The following PCDH9 variants were observed in gnomAD, a reference collection of about 807,000 sequenced individuals.
The protein encoded by PCDH9 is protocadherin 9.
In PCDH9, 24 loss-of-function variants were observed where a neutral mutation model predicts 70.6. The ratio of observed to expected loss-of-function variants is 0.34; its 90% CI spans 0.25 to 0.48. The LOEUF (loss-of-function observed/expected upper bound fraction) is 0.48. Among genes scored for constraint, PCDH9 ranks in the 20% least tolerant of loss-of-function variants. The probability of loss-of-function intolerance (pLI) is 0.99; values close to 1 mark genes in which losing one functional copy is unlikely to be tolerated. For missense variants in PCDH9, 1,281 were observed against 1,503.6 expected (o/e 0.85, Z 2.45); for synonymous variants, 562 against 558.5 (o/e 1.01, Z -0.09).
At chr13:66,614,719 C>A (rs2138880882) in intron 4 of PCDH9, among the ~76,000 whole-genome samples, 2 of 152,268 alleles carry the variant, frequency 1.3e-5, no homozygotes, top group South Asian at 4.1e-4. Flanking sequence ...AAAGAAATAG[C>A]ATTTGAACAT....
At chr13:67,031,319 T>C (rs2084901616) in intron 2 of PCDH9, among the ~76,000 whole-genome samples, 1 of 152,198 alleles carries the variant, frequency 6.6e-6, no homozygotes, top group African/African-American at 2.4e-5. Context: ...CCATAATAAT[T>C]TCTCTCAGAA....
intron 3 of PCDH9, among the ~76,000 whole-genome samples, chr13:66,700,290 A>G (rs1274932420): frequency 6.6e-6 from 1 of 152,194 alleles, no homozygotes; most frequent in Non-Finnish European, 1.5e-5. Flanking sequence ...CTCTCGGCAG[A>G]TTGTTAACAT....
At chr13:66,884,204 A>G (rs532493379) in intron 3 of PCDH9, among the ~76,000 whole-genome samples, 1 of 152,062 alleles carries the variant, frequency 6.6e-6, no homozygotes, top group East Asian at 1.9e-4. Context: ...GGCCACTTTA[A>G]GCGTTCTTGC....
intron 4 of PCDH9, among the ~76,000 whole-genome samples, chr13:66,367,841 T>C (rs1020798677): frequency 6.6e-6 from 1 of 152,096 alleles, no homozygotes; most frequent in African/African-American, 2.4e-5. Flanking sequence ...CTTTAAAAAA[T>C]AATTCTAGGA....
At chr13:66,456,786 T>C (rs1958325657) in intron 4 of PCDH9, among the ~76,000 whole-genome samples, 1 of 152,064 alleles carries the variant, frequency 6.6e-6, no homozygotes, top group Non-Finnish European at 1.5e-5. Context: ...TACTAGAAGA[T>C]TTGGAAAGAA....
At chr13:66,403,264 C>T (rs984640881) in intron 4 of PCDH9, among the ~76,000 whole-genome samples, 2 of 151,796 alleles carry the variant, frequency 1.3e-5, no homozygotes, top group Admixed American at 6.6e-5. Context: ...CTTAGCCTCC[C>T]GAGTAGCTGG....
chr13:66,523,327 T>A (rs1960078945), intron 4 of PCDH9, among the ~76,000 whole-genome samples: 1 of 152,040 alleles, frequency 6.6e-6, no homozygotes, highest in South Asian at 2.1e-4. Flanking sequence ...ATAGGCACTA[T>A]TATGACCATT....
intron 4 of PCDH9, among the ~76,000 whole-genome samples, chr13:66,571,958 T>C (rs1300456340): frequency 6.6e-6 from 1 of 152,018 alleles, no homozygotes; most frequent in Non-Finnish European, 1.5e-5. Flanking sequence ...AGGAATAATA[T>C]TAACTTTTAA....
intron 3 of PCDH9, among the ~76,000 whole-genome samples, chr13:66,895,124 T>C (rs2082155829): frequency 6.6e-6 from 1 of 152,178 alleles, no homozygotes; most frequent in Admixed American, 6.5e-5. Flanking sequence ...AGGTATCTTA[T>C]ATTAAAAGAT....
intron 2 of PCDH9, among the ~76,000 whole-genome samples, chr13:67,182,690 G>T (rs1298838150): frequency 6.6e-6 from 1 of 152,040 alleles, no homozygotes; most frequent in Non-Finnish European, 1.5e-5. Flanking sequence ...ACAGTAAATT[G>T]TTACCACCCA....
In PCDH9 at chr13:66,620,572, T is replaced by A. The variant is rs149343324; in HGVS notation, c.3340+10638A>T. Among the ~76,000 whole-genome samples, 1,050 of 151,966 alleles carry A rather than the reference T, an allele frequency of 6.9e-3. 5 individuals are homozygous for A. The highest frequency in any genetic ancestry group is 0.031 in the Middle Eastern group (9 of 294). On this transcript the variant is annotated intron_variant, in intron 4 of 4. Coordinates refer to ENST00000377865, the MANE Select transcript of PCDH9 (RefSeq NM_203487.3). ...TATCACTTTATCTATAGAATCTTTA[T>A]TGATTCTTTATCCAAGGCTTATTCT...
chr13:66,772,302 C>A (rs2079820869), intron 3 of PCDH9, among the ~76,000 whole-genome samples: 1 of 152,214 alleles, frequency 6.6e-6, no homozygotes, highest in Admixed American at 6.5e-5. Context: ...AAACTCCCAT[C>A]TTTTGTGGCA....
At chr13:66,998,401 G>A (rs372024629) in intron 2 of PCDH9, among the ~76,000 whole-genome samples, 1 of 152,158 alleles carries the variant, frequency 6.6e-6, no homozygotes, top group South Asian at 2.1e-4. Flanking sequence ...TAAAATATCT[G>A]TCTATAGCTC....
intron 2 of PCDH9, chr13:66,978,434 A>G (rs1042635446): frequency 6.6e-6 from 1 of 152,026 alleles, no homozygotes; most frequent in Non-Finnish European, 1.5e-5. Context: ...AAAAATAGAT[A>G]CTATTCCTTA....
chr13:66,363,118 G>T (rs1440981085), intron 4 of PCDH9, among the ~76,000 whole-genome samples: 2 of 152,130 alleles, frequency 1.3e-5, no homozygotes, highest in Admixed American at 6.5e-5. Flanking sequence ...GGCAAAAGTT[G>T]CAGTGAGCTG....
intron 3 of PCDH9, among the ~76,000 whole-genome samples, chr13:66,883,898 A>ATTTT (rs539703609): frequency 5.3e-4 from 57 of 108,158 alleles, no homozygotes; most frequent in African/African-American, 2.0e-3. Flanking sequence ...TTGAGCGTTC[A>ATTTT]TTTTTTTTTT....
At chr13:66,377,860 A>G (rs149714401) in intron 4 of PCDH9, among the ~76,000 whole-genome samples, 1 of 151,966 alleles carries the variant, frequency 6.6e-6, no homozygotes, top group East Asian at 1.9e-4. Flanking sequence ...TTTCACCTTA[A>G]TTTTTCTGCC....
At chr13:66,609,551 T>C (rs963604334) in intron 4 of PCDH9, among the ~76,000 whole-genome samples, 1 of 152,100 alleles carries the variant, frequency 6.6e-6, no homozygotes, top group Non-Finnish European at 1.5e-5. Context: ...AAACTCTTTA[T>C]GAAAATTTAT....
Position 66,980,730 on chromosome 13 carries a change from G to GTTTTTTTTTTTTTTT in PCDH9, c.3037-77126_3037-77125insAAAAAAAAAAAAAAA. 5.7e-3 allele frequency among the ~76,000 whole-genome samples: 403 copies of GTTTTTTTTTTTTTTT among 70,874 alleles called. 17 individuals are homozygous for GTTTTTTTTTTTTTTT. The highest frequency in any genetic ancestry group is 9.2e-3 in the African/African-American group (174 of 18,824). 46.5% of individuals were successfully genotyped at this position (70,874 alleles called of 152,430 possible). On this transcript the variant is annotated intron_variant, in intron 2 of 4. Coordinates refer to ENST00000377865, the MANE Select transcript of PCDH9 (RefSeq NM_203487.3). ...TTTGTTTTTTCCTGTTTTTTTCTTTGTTTTTTTTTTTGTTTTTTTTTTTAC... is the reference window on the plus strand; with the variant it reads ...TTTGTTTTTTCCTGTTTTTTTCTTTGTTTTTTTTTTTTTTTTTTTTTTTTTTGTTTTTTTTTTTAC...
Sources: gnomAD v4.1 joint callset for allele counts (sites outside exome capture counted in the v4.1 genomes callset) on GRCh38, gnomAD v4.1.1 for gene constraint, MANE v1.5 for transcripts, NCBI Gene and HGNC (gene_info 2026-07-23, HGNC 2026-07-21) for gene names.